TMEFF2: variants seen among roughly 807,000 people sequenced by gnomAD.
TMEFF2 encodes transmembrane protein with EGF like and two follistatin like domains 2, also known as tomoregulin-2.
A neutral mutation model predicts 53.8 loss-of-function variants in TMEFF2; 28 were observed. The ratio of observed to expected loss-of-function variants is 0.52; its 90% CI spans 0.39 to 0.71. TMEFF2 has a LOEUF of 0.71. TMEFF2 is among the 30% of genes least tolerant of loss of function. The pLI is 0.00. For synonymous variants in TMEFF2, 162 were observed against 166.3 expected (o/e 0.97, Z 0.20); for missense variants, 353 against 455.2 (o/e 0.78, Z 2.04).
At chr2:191,969,139 C>CTA (rs550381791) in intron 7 of TMEFF2, among the ~76,000 whole-genome samples, 1,590 of 64,368 alleles carry the variant, frequency 0.025, 25 homozygotes, top group African/African-American at 0.074. Context: ...GTGTGTGTAT[C>CTA]TATGTGTGTG....
chr2:192,039,597 C>T (rs897659819), intron 5 of TMEFF2, among the ~76,000 whole-genome samples: 2 of 152,120 alleles, frequency 1.3e-5, no homozygotes, highest in Non-Finnish European at 2.9e-5. Context: ...AATGGTACTT[C>T]ATTGCCACAA....
At chr2:192,047,904 C>G (rs555600863) in intron 5 of TMEFF2, among the ~76,000 whole-genome samples, 2 of 152,242 alleles carry the variant, frequency 1.3e-5, no homozygotes, top group Non-Finnish European at 2.9e-5. Context: ...TGGAAGTAAA[C>G]CACAGAAGAC....
chr2:191,972,230 C>T lies in TMEFF2; in HGVS notation c.746-15852G>A, dbSNP rs142432154. Among the ~76,000 whole-genome samples the T allele has an allele frequency of 9.5e-3, 1,430 of 149,846 alleles. 18 individuals are homozygous for T. Among genetic ancestry groups the T allele is most frequent in the African/African-American group, 0.033 (1,328 of 40,752 alleles). ...TGCAATCTTGGCTCACTGCAACCTCCGCCTCCCGGATTCAAGTGATTCTCC... is the reference window on the plus strand; with the variant it reads ...TGCAATCTTGGCTCACTGCAACCTCTGCCTCCCGGATTCAAGTGATTCTCC... On this transcript the variant is annotated intron_variant, in intron 7 of 9. Transcript: ENST00000272771.
chr2:192,005,139 C>A (rs1686469456), intron 5 of TMEFF2, among the ~76,000 whole-genome samples: 1 of 152,104 alleles, frequency 6.6e-6, no homozygotes, highest in South Asian at 2.1e-4. Flanking sequence ...AAAACCTTAG[C>A]TCTCTGAATT....
chr2:192,017,550 G>A lies in TMEFF2; in HGVS notation c.537-18342C>T, dbSNP rs923354454. On this transcript the variant is annotated intron_variant, in intron 5 of 9. Transcript: ENST00000272771. ...GAACATTCTATTCTTTTTCTCACTT[G>A]TTGTGTTACCACTCTCGCTGGTTTT... 2.6e-5 allele frequency among the ~76,000 whole-genome samples: 4 copies of A among 152,232 alleles called. No individual in the cohort carries two copies. The South Asian group carries it at 8.3e-4, about 32-fold the overall frequency.
At chr2:192,073,372 G>A (rs1271688904) in intron 4 of TMEFF2, among the ~76,000 whole-genome samples, 1 of 151,750 alleles carries the variant, frequency 6.6e-6, no homozygotes, top group Non-Finnish European at 1.5e-5. Context: ...TGTGAAACCT[G>A]CTTTTAAAAA....
intron 4 of TMEFF2, 56 bp from the exon 5 acceptor site, chr2:192,057,831 A>G: frequency 7.4e-7 from 1 of 1,346,248 alleles, no homozygotes; most frequent in East Asian, 2.3e-5. Flanking sequence ...TATATCTACA[A>G]CTCCAGGACA....
At chr2:192,063,597 C>A (rs865795014) in intron 4 of TMEFF2, among the ~76,000 whole-genome samples, 1 of 151,730 alleles carries the variant, frequency 6.6e-6, no homozygotes, top group Non-Finnish European at 1.5e-5. Flanking sequence ...TTCAAATCAT[C>A]CATAACTGTA....
chr2:192,002,476 A>ATT (rs55957603), intron 5 of TMEFF2, among the ~76,000 whole-genome samples: 7 of 144,886 alleles, frequency 4.8e-5, no homozygotes, highest in African/African-American at 1.0e-4. Context: ...TATGGAGAAT[A>ATT]TTTTTTTTTT....
At chr2:192,032,642 T>G (rs1263408914) in intron 5 of TMEFF2, 2 of 152,212 alleles carry the variant, frequency 1.3e-5, no homozygotes, top group East Asian at 3.9e-4. Context: ...TAACACGGTA[T>G]GATTATTTGA....
intron 7 of TMEFF2, among the ~76,000 whole-genome samples, chr2:191,956,789 T>G (rs943834951): frequency 6.6e-6 from 1 of 152,234 alleles, no homozygotes; most frequent in Admixed American, 6.5e-5. Context: ...ACTTTCGCAA[T>G]ACGAAAGCTT....
intron 4 of TMEFF2, among the ~76,000 whole-genome samples, chr2:192,152,358 T>C (rs1339716311): frequency 6.6e-6 from 1 of 151,946 alleles, no homozygotes; most frequent in Non-Finnish European, 1.5e-5. Context: ...TTAGCTTGTT[T>C]CATAGGCACT....
intron 5 of TMEFF2, among the ~76,000 whole-genome samples, chr2:192,024,743 C>T (rs1686931043): frequency 6.6e-6 from 1 of 152,166 alleles, no homozygotes; most frequent in African/African-American, 2.4e-5. Flanking sequence ...ATTTATCAAT[C>T]GTCCAATGAC....
chr2:192,115,396 A>G (rs1035360599), intron 4 of TMEFF2, among the ~76,000 whole-genome samples: 8 of 152,016 alleles, frequency 5.3e-5, no homozygotes, highest in African/African-American at 1.9e-4. Context: ...ATCAGGGAAC[A>G]GCTGTATGAC....
intron 7 of TMEFF2, chr2:191,992,797 T>C (rs1007323318): frequency 9.2e-5 from 14 of 152,234 alleles, no homozygotes; most frequent in Non-Finnish European, 1.8e-4. Context: ...ATATCACTTA[T>C]AGGATGCTTA....
At chr2:192,175,239 T>TA (rs1479194334) in intron 4 of TMEFF2, among the ~76,000 whole-genome samples, 1 of 151,630 alleles carries the variant, frequency 6.6e-6, no homozygotes, top group Non-Finnish European at 1.5e-5. Context: ...AGGATTTTTT[T>TA]AAAATTATCT....
At chr2:192,056,631 C>G (rs1687917062) in intron 5 of TMEFF2, among the ~76,000 whole-genome samples, 1 of 152,074 alleles carries the variant, frequency 6.6e-6, no homozygotes, top group Non-Finnish European at 1.5e-5. Context: ...AGAGTAGTTA[C>G]TCCATCATCT....
At chr2:192,114,718 TAAAC>T (rs1444867831) in intron 4 of TMEFF2, among the ~76,000 whole-genome samples, 2 of 151,336 alleles carry the variant, frequency 1.3e-5, no homozygotes, top group South Asian at 2.1e-4. Flanking sequence ...TAAATAAACT[TAAAC>T]AAGGAGGTAA....
At chr2:192,112,045 A>G (rs1181916166) in intron 4 of TMEFF2, among the ~76,000 whole-genome samples, 2 of 152,130 alleles carry the variant, frequency 1.3e-5, no homozygotes, top group Admixed American at 1.3e-4. Flanking sequence ...CCTCATGAGA[A>G]CCTCTGCTAG....
Sources: allele counts gnomAD v4.1 joint callset (sites outside exome capture counted in the v4.1 genomes callset), GRCh38; gene constraint gnomAD v4.1.1; transcripts MANE v1.5; gene names NCBI Gene and HGNC (gene_info 2026-07-23, HGNC 2026-07-21).